Variants in SLC29A3 observed in about 807,000 individuals in gnomAD.
SLC29A3 encodes equilibrative nucleoside transporter 3.
In SLC29A3, 18 loss-of-function variants were observed where a neutral mutation model predicts 25.4. That is an observed-to-expected ratio of 0.71 (90% CI 0.49 to 1.05). The LOEUF (loss-of-function observed/expected upper bound fraction) is 1.05, where lower values mean the gene tolerates loss of function less well. Ranked by LOEUF, SLC29A3 falls within the 50% of genes least tolerant of loss-of-function variation. SLC29A3 has a pLI of 0.00. For synonymous variants in SLC29A3, 258 were observed against 267.1 expected, an observed-to-expected ratio of 0.97 and a Z score of 0.33; for missense variants, 586 against 609.0, an observed-to-expected ratio of 0.96 and a Z score of 0.40.
rs192198139 is a variant in SLC29A3, at chr10:71,340,786, G to T, written c.301-3423G>T. Among the ~76,000 whole-genome samples the T allele has an allele frequency of 8.6e-4, 131 of 152,300 alleles. 3 individuals are homozygous for T. The highest frequency in any genetic ancestry group is 3.2e-3 in the African/African-American group (131 of 41,562). ...TGAACCCAGGAGGGACATGCCAGCT[G>T]CCTGGCTACAAAGTAAATAATCAAG... is the stretch of plus-strand genomic sequence containing the variant. On this transcript the variant is annotated intron_variant, in intron 2 of 5. Coordinates refer to ENST00000373189, the MANE Select transcript of SLC29A3 (RefSeq NM_018344.6).
intron 5 of SLC29A3, among the ~76,000 whole-genome samples, chr10:71,359,628 A>G (rs1847004475): frequency 6.6e-6 from 1 of 152,170 alleles, no homozygotes; most frequent in African/African-American, 2.4e-5. Context: ...ACTCACCCAC[A>G]TGGGTGTTAT....
intron 3 of SLC29A3, among the ~76,000 whole-genome samples, chr10:71,349,149 T>G (rs1205940650): frequency 6.6e-6 from 1 of 152,194 alleles, no homozygotes; most frequent in African/African-American, 2.4e-5. Flanking sequence ...GCAGCATTGC[T>G]GTAGCTTCTG....
chr10:71,377,377 C>T (rs1847260666), intron 4 of SLC29A3, among the ~76,000 whole-genome samples: 1 of 152,250 alleles, frequency 6.6e-6, no homozygotes, highest in African/African-American at 2.4e-5. Flanking sequence ...TATGCCGAGC[C>T]CGCCGCGCTC....
At chr10:71,328,356 G>A (rs755742188) in intron 2 of SLC29A3, among the ~76,000 whole-genome samples, 2 of 152,196 alleles carry the variant, frequency 1.3e-5, no homozygotes, top group Non-Finnish European at 2.9e-5. Flanking sequence ...GGGGCTCCAT[G>A]CCTGGGTCTT....
chr10:71,373,617 G>A (rs114089219), intron 3 of SLC29A3, among the ~76,000 whole-genome samples: 1,588 of 152,300 alleles, frequency 0.01, 20 homozygotes, highest in African/African-American at 0.036. Context: ...TCAGATATTA[G>A]CTCTTATTAT....
chr10:71,367,058 C>G (rs1234070517), downstream of SLC29A3, among the ~76,000 whole-genome samples: 3 of 152,194 alleles, frequency 2.0e-5, no homozygotes, highest in Non-Finnish European at 4.4e-5. Context: ...AGCCATAGAG[C>G]TGGCTATTGG....
At chr10:71,332,355 G>A (rs1191078394) in intron 2 of SLC29A3, among the ~76,000 whole-genome samples, 1 of 151,722 alleles carries the variant, frequency 6.6e-6, no homozygotes, top group Non-Finnish European at 1.5e-5. Context: ...TCACCATGTT[G>A]GCCAGGTTGG....
chr10:71,368,209 A>C (rs1328046641), downstream of SLC29A3, among the ~76,000 whole-genome samples: 1 of 152,174 alleles, frequency 6.6e-6, no homozygotes, highest in Non-Finnish European at 1.5e-5. Flanking sequence ...CAGCCTGGGC[A>C]ACAGAGTATC....
At chr10:71,321,151 G>A (rs997574648) in intron 1 of SLC29A3, among the ~76,000 whole-genome samples, 2 of 152,150 alleles carry the variant, frequency 1.3e-5, no homozygotes, top group African/African-American at 2.4e-5. Flanking sequence ...TAGCTATTGG[G>A]AGTTCTTTCT....
chr10:71,344,122 C>A, intron 2 of SLC29A3, 87 bp from the exon 3 acceptor site: 3 of 1,096,374 alleles, frequency 2.7e-6, no homozygotes, highest in South Asian at 1.2e-5. Flanking sequence ...AGAAGCCCCA[C>A]AGAGAGGGGC....
chr10:71,321,209 G>GA (rs950566808), intron 1 of SLC29A3, among the ~76,000 whole-genome samples: 3 of 151,974 alleles, frequency 2.0e-5, no homozygotes, highest in African/African-American at 7.3e-5. Context: ...TTTTCCATCT[G>GA]AAAAAAGGGG....
chr10:71,355,461 T>A (rs1412348887), intron 4 of SLC29A3, among the ~76,000 whole-genome samples: 1 of 152,216 alleles, frequency 6.6e-6, no homozygotes, highest in African/African-American at 2.4e-5. Context: ...GAGTGTTGTA[T>A]GTGTTACACA....
Position 71,323,041 on chromosome 10 carries a change from GC to G in SLC29A3, c.288del (p.Ser97GlnfsTer4), listed in dbSNP as rs1845889627. 6.2e-7 allele frequency: 1 copy of G among 1,613,240 alleles called. No individual in the cohort carries two copies. The highest frequency in any genetic ancestry group is 8.5e-7 in the Non-Finnish European group (1 of 1,180,054). On this transcript the variant is annotated frameshift_variant, in exon 2 of 6. Coordinates refer to ENST00000373189, the MANE Select transcript of SLC29A3 (RefSeq NM_018344.6). LOFTEE classifies it high-confidence loss of function. ...CCAGCCACCGGGGAGGACCCTGAGG[GC>G]TCAGACATCCTGGTAAGGGCATGTT... Reference protein sequence around the residue: ...SSPATGEDPEGSDILNYFESY... With the variant: ...SSPATGEDPEXSDILNYFESY...
intron 2 of SLC29A3, among the ~76,000 whole-genome samples, chr10:71,341,641 C>T (rs916714803): frequency 6.6e-6 from 1 of 152,230 alleles, no homozygotes; most frequent in Admixed American, 6.5e-5. Context: ...GAATCTATCT[C>T]TGCCTAGCAA....
rs777739344 is a variant in SLC29A3 at position 71,319,620 on chromosome 10, T to C, written c.1+310T>C. 95 of 344,532 alleles carry C rather than the reference T, an allele frequency of 2.8e-4. 1 individual carries two copies. The highest frequency in any genetic ancestry group is 4.4e-4 in the Non-Finnish European group (84 of 192,252). The allele number at this position is 344,532 out of a possible 1,614,324, so 21.3% of individuals were successfully genotyped here. A position where few individuals can be genotyped will look rare whatever the true frequency, so the allele number is the denominator to read the frequency against. ...CGGCCCGAAGTATCCAGACGGTGGC[T>C]GATTCTCTCGGTCCCAGCTGCGGGG... On this transcript the variant is annotated intron_variant, in intron 1 of 5. Coordinates refer to ENST00000373189, the MANE Select transcript of SLC29A3 (RefSeq NM_018344.6).
intron 2 of SLC29A3, among the ~76,000 whole-genome samples, chr10:71,337,146 G>GC (rs879476290): frequency 6.9e-4 from 105 of 152,282 alleles, no homozygotes; most frequent in Admixed American, 1.5e-3. Context: ...AACAGGCATT[G>GC]CCCCCCTTCC....
In SLC29A3 at chr10:71,329,373, G is replaced by A. The variant is rs149964709; in HGVS notation, c.300+6319G>A. The stretch of plus-strand genomic sequence containing the variant: ...CCCAGGAGGCTGAGGCAGGAGATTC[G>A]TTGGAACCTGGGAGGCAGAGGCTGC... On this transcript the variant is annotated intron_variant, in intron 2 of 5. Coordinates refer to ENST00000373189, the MANE Select transcript of SLC29A3 (RefSeq NM_018344.6). Among the ~76,000 whole-genome samples the A allele has an allele frequency of 3.9e-4, 59 of 151,276 alleles. 1 individual carries two copies. The East Asian group carries it at 0.011, about 27-fold the overall frequency.
At chr10:71,334,939 G>T (rs1846206996) in intron 2 of SLC29A3, among the ~76,000 whole-genome samples, 1 of 147,356 alleles carries the variant, frequency 6.8e-6, no homozygotes, top group Non-Finnish European at 1.5e-5. Context: ...CCCACTTGCT[G>T]TTGACTCTTT....
intron 2 of SLC29A3, among the ~76,000 whole-genome samples, chr10:71,323,667 A>T (rs1020960559): frequency 6.6e-6 from 1 of 152,260 alleles, no homozygotes; most frequent in South Asian, 2.1e-4. Flanking sequence ...TTTATCTCAG[A>T]ACCATGTGCC....
Sources: allele counts gnomAD v4.1 joint callset (sites outside exome capture counted in the v4.1 genomes callset), GRCh38; gene constraint gnomAD v4.1.1; transcripts MANE v1.5; gene names NCBI Gene and HGNC (gene_info 2026-07-23, HGNC 2026-07-21).